Variants in C1GALT1 observed in about 807,000 individuals in gnomAD.
The protein encoded by C1GALT1 is core 1 synthase, glycoprotein-N-acetylgalactosamine 3-beta-galactosyltransferase 1, also known as glycoprotein-N-acetylgalactosamine 3-beta-galactosyltransferase 1.
C1GALT1 carries 11 observed loss-of-function variants against 31.0 expected under a neutral mutation model. The ratio of observed to expected loss-of-function variants is 0.36; its 90% CI spans 0.22 to 0.59. C1GALT1 has a LOEUF of 0.59. Ranked by LOEUF, C1GALT1 falls within the 20% of genes least tolerant of loss-of-function variation. The probability of loss-of-function intolerance (pLI) is 0.79; values close to 1 mark genes in which losing one functional copy is unlikely to be tolerated. For synonymous variants in C1GALT1, 175 were observed against 143.6 expected, an observed-to-expected ratio of 1.22 and a Z score of -1.56; for missense variants, 424 against 425.2, an observed-to-expected ratio of 1.00 and a Z score of 0.03.
chr7:7,226,099 A>C (rs571142038), intron 1 of C1GALT1, among the ~76,000 whole-genome samples: 1 of 152,200 alleles, frequency 6.6e-6, no homozygotes, highest in Admixed American at 6.5e-5. Context: ...TGCTGTGAGC[A>C]TCAGAAAAAA....
chr7:7,247,170 C>A lies in C1GALT1; in HGVS notation c.*3443C>A, dbSNP rs1783881491. 1 of 151,920 alleles carries A rather than the reference C, an allele frequency of 6.6e-6. No individual in the cohort carries two copies. The highest frequency in any genetic ancestry group is 1.5e-5 in the Non-Finnish European group (1 of 67,974). The allele number at this position is 151,920 out of a possible 1,614,324, so 9.4% of individuals were successfully genotyped here. A position where few individuals can be genotyped will look rare whatever the true frequency, so the allele number is the denominator to read the frequency against. On this transcript the variant is annotated 3_prime_UTR_variant, in exon 4 of 4. Coordinates refer to ENST00000436587, the MANE Select transcript of C1GALT1 (RefSeq NM_020156.5). ...TGCTAATTCATTCTGTTTTGTGTGACCTAATAAAGCAAAAGAAAAATAAAA... is the reference window on the plus strand; with the variant it reads ...TGCTAATTCATTCTGTTTTGTGTGAACTAATAAAGCAAAAGAAAAATAAAA...
At position 7,234,286 on chromosome 7, in the gene C1GALT1, A is replaced by C; in HGVS notation, c.-17-17A>C. On this transcript the variant is annotated splice_polypyrimidine_tract_variant and intron_variant, in intron 1 of 3. Transcript: ENST00000436587. ...AGCTTTGATTTTATAACATCCTGCT[A>C]ATTTTTGTTCTTACAGAAATACACT... 2 of 1,573,386 alleles carry C rather than the reference A, an allele frequency of 1.3e-6. No homozygotes were observed. The highest frequency in any genetic ancestry group is 1.7e-5 in the Admixed American group (1 of 58,988).
intron 1 of C1GALT1, among the ~76,000 whole-genome samples, chr7:7,216,537 G>A (rs760787212): frequency 3.3e-5 from 5 of 152,042 alleles, no homozygotes; most frequent in Admixed American, 6.6e-5. Context: ...GTCACCTTTC[G>A]GGCAAGGCTC....
At chr7:7,157,754 C>G (rs957192083) in intron 2 of C1GALT1, among the ~76,000 whole-genome samples, 1 of 152,116 alleles carries the variant, frequency 6.6e-6, no homozygotes, top group African/African-American at 2.4e-5. Flanking sequence ...TTTTCTTTAC[C>G]ACCAAACTTC....
intron 2 of C1GALT1, among the ~76,000 whole-genome samples, chr7:7,172,867 T>G (rs577575199): frequency 2.8e-4 from 42 of 152,296 alleles, no homozygotes; most frequent in Admixed American, 5.2e-4. Context: ...TTATACATTC[T>G]GTAAGTTTTG....
chr7:7,189,952 A>G (rs1232067468), intron 1 of C1GALT1, among the ~76,000 whole-genome samples: 1 of 152,118 alleles, frequency 6.6e-6, no homozygotes, highest in African/African-American at 2.4e-5. Context: ...TTGATTTGAA[A>G]TGCTGTTTAT....
In C1GALT1 at chr7:7,248,471, G is replaced by C. The variant is rs990423105; in HGVS notation, c.*4744G>C. The C allele has an allele frequency of 6.6e-6, 1 of 151,972 alleles. No individual in the cohort carries two copies. Among genetic ancestry groups the C allele is most frequent in the African/African-American group, 2.4e-5 (1 of 41,424 alleles). The allele number at this position is 151,972 out of a possible 1,614,324, so 9.4% of individuals were successfully genotyped here. ...ATTTAAGGTAATGGTGTTACGAATGGTTTAAAAATGTCTGGTGACTTGCTT... is the reference window on the plus strand; with the variant it reads ...ATTTAAGGTAATGGTGTTACGAATGCTTTAAAAATGTCTGGTGACTTGCTT... On this transcript the variant is annotated 3_prime_UTR_variant, in exon 4 of 4. Transcript: ENST00000436587.
chr7:7,177,073 AT>A (rs755714178), intron 2 of C1GALT1, among the ~76,000 whole-genome samples: 16 of 152,208 alleles, frequency 1.1e-4, no homozygotes, highest in Non-Finnish European at 2.2e-4. Flanking sequence ...CTGATATCTA[AT>A]TAGGCCAGTA....
intron 1 of C1GALT1, among the ~76,000 whole-genome samples, chr7:7,205,080 G>C (rs1343078153): frequency 6.6e-6 from 1 of 152,072 alleles, no homozygotes; most frequent in African/African-American, 2.4e-5. Context: ...TCCATTCTGT[G>C]TGGTTCTGTT....
In C1GALT1 at chr7:7,238,940, AT is replaced by A; in HGVS notation, c.888+20del. 1 of 1,575,540 alleles carries A rather than the reference AT, an allele frequency of 6.3e-7. No homozygotes were observed. The highest frequency in any genetic ancestry group is 8.6e-7 in the Non-Finnish European group (1 of 1,156,792). On this transcript the variant is annotated intron_variant, in intron 3 of 3. Transcript: ENST00000436587. This position sits in a 1 kb window ranked among gnomAD's most constrained non-coding sequence, Gnocchi z 5.2. ...CTGTAGAGGTAAGTTTAGAAATTTTATTACTATGTCAATACTTGGACTGACT... is the reference window on the plus strand; with the variant it reads ...CTGTAGAGGTAAGTTTAGAAATTTTATACTATGTCAATACTTGGACTGACT...
chr7:7,240,376 A>AATC (rs1469663915), intron 3 of C1GALT1, among the ~76,000 whole-genome samples: 1 of 152,188 alleles, frequency 6.6e-6, no homozygotes, highest in Non-Finnish European at 1.5e-5. Context: ...AGCTTTAGGT[A>AATC]ATCAGCTTTA....
At position 7,237,323 on chromosome 7, in the gene C1GALT1, G is replaced by C. The variant is rs4141100; in HGVS notation, c.221-932G>C. Among the ~76,000 whole-genome samples the C allele has an allele frequency of 3.3e-5, 5 of 152,082 alleles. No homozygotes were observed. In the South Asian group the frequency reaches 8.3e-4, roughly 25 times the overall value. ...GCGGTCCTGGCCTGACACTTTGTCA[G>C]CTGTTTGTCTGCACAAGATAATGAG... On this transcript the variant is annotated intron_variant, in intron 2 of 3. Coordinates refer to ENST00000436587, the MANE Select transcript of C1GALT1 (RefSeq NM_020156.5).
intron 1 of C1GALT1, among the ~76,000 whole-genome samples, chr7:7,207,133 G>C (rs1206419302): frequency 2.0e-5 from 3 of 151,858 alleles, no homozygotes; most frequent in Middle Eastern, 3.2e-3. Context: ...CATTTCTTCA[G>C]CCGTTTTTCT....
intron 2 of C1GALT1, among the ~76,000 whole-genome samples, chr7:7,166,132 A>C (rs575406228): frequency 6.6e-6 from 1 of 152,162 alleles, no homozygotes; most frequent in Admixed American, 6.6e-5. Context: ...TATTACTGCC[A>C]TTTTATCATG....
At chr7:7,240,276 C>T (rs939426209) in intron 3 of C1GALT1, among the ~76,000 whole-genome samples, 25 of 152,282 alleles carry the variant, frequency 1.6e-4, no homozygotes, top group African/African-American at 6.0e-4. Context: ...CTAAAATGCA[C>T]AGGACAGCCT....
At chr7:7,237,860 C>T (rs1449483763) in intron 2 of C1GALT1, among the ~76,000 whole-genome samples, 3 of 152,090 alleles carry the variant, frequency 2.0e-5, no homozygotes, top group Non-Finnish European at 4.4e-5. Context: ...CAAGCAGAGA[C>T]TATTTAAGGC....
At chr7:7,189,485 C>G (rs1780963365) in intron 1 of C1GALT1, among the ~76,000 whole-genome samples, 1 of 149,724 alleles carries the variant, frequency 6.7e-6, no homozygotes, top group Non-Finnish European at 1.5e-5. Context: ...AATAATATCT[C>G]TTCATTTGAT....
At chr7:7,189,253 G>A (rs953734795) in intron 1 of C1GALT1, among the ~76,000 whole-genome samples, 1 of 151,980 alleles carries the variant, frequency 6.6e-6, no homozygotes, top group African/African-American at 2.4e-5. Context: ...GAGCATCTTG[G>A]CTGACTTCTA....
chr7:7,208,445 C>G (rs1323289274), intron 1 of C1GALT1, among the ~76,000 whole-genome samples: 1 of 151,980 alleles, frequency 6.6e-6, no homozygotes, highest in Non-Finnish European at 1.5e-5. Context: ...GAACATATTC[C>G]CTGTGGATAA....
Sources: gnomAD v4.1 joint callset for allele counts (sites outside exome capture counted in the v4.1 genomes callset) on GRCh38, gnomAD v4.1.1 for gene constraint, Gnocchi (gnomAD v3.1) non-coding constraint, MANE v1.5 for transcripts, NCBI Gene and HGNC (gene_info 2026-07-23, HGNC 2026-07-21) for gene names.